The following C1orf54 variants were observed in gnomAD, a reference collection of about 807,000 sequenced individuals.
C1orf54 encodes the protein chromosome 1 open reading frame 54, also known as uncharacterized protein C1orf54.
C1orf54 carries 12 observed loss-of-function variants against 14.7 expected under a neutral mutation model. That is an observed-to-expected ratio of 0.82 (90% CI 0.52 to 1.32). The LOEUF (loss-of-function observed/expected upper bound fraction) is 1.32. C1orf54 is among the 40% of genes most tolerant of loss of function. The pLI, the probability that C1orf54 is intolerant of heterozygous loss-of-function variation, is 0.00. For synonymous variants in C1orf54, 65 were observed against 56.3 expected (o/e 1.16, Z -0.70); for missense variants, 163 against 162.2 (o/e 1.00, Z -0.03).
chr1:150,269,043 G>T (rs202198066), upstream of C1orf54: 9 of 483,776 alleles, frequency 1.9e-5, no homozygotes, highest in South Asian at 1.7e-4. Context: ...GCAGCCCCAC[G>T]GCCACCTCCC....
intron 4 of C1orf54, among the ~76,000 whole-genome samples, chr1:150,277,665 C>T (rs1652780835): frequency 6.6e-6 from 1 of 152,042 alleles, no homozygotes; most frequent in Non-Finnish European, 1.5e-5. Context: ...GCTCCTAATA[C>T]TTGCTTAGTA....
At chr1:150,280,046 C>T (rs1213549832) in intron 5 of C1orf54, among the ~76,000 whole-genome samples, 1 of 152,136 alleles carries the variant, frequency 6.6e-6, no homozygotes, top group African/African-American at 2.4e-5. Flanking sequence ...AACTCCTCTA[C>T]AAGACGTTAA....
chr1:150,273,473 G>A (rs1652376979), intron 1 of C1orf54, among the ~76,000 whole-genome samples: 2 of 152,170 alleles, frequency 1.3e-5, no homozygotes, highest in Admixed American at 6.5e-5. Flanking sequence ...TTTAGCAGGA[G>A]GCCTGGAGTT....
chr1:150,280,886 TG>T lies in C1orf54; in HGVS notation c.*57del, dbSNP rs1553853314. The T allele has an allele frequency of 6.5e-7, 1 of 1,549,942 alleles. No homozygotes were observed. The highest frequency in any genetic ancestry group is 8.7e-7 in the Non-Finnish European group (1 of 1,146,524). ...GGATGGGAGTCTGGCAAGAGGAAAT[TG>T]GAAGATAAAATAAATAATAAGTGAA... On this transcript the variant is annotated 3_prime_UTR_variant, in exon 6 of 6. Transcript: ENST00000369099.
intron 3 of C1orf54, among the ~76,000 whole-genome samples, 162 bp downstream of exon 3, chr1:150,275,961 A>T (rs1572106414): frequency 6.6e-6 from 1 of 151,904 alleles, no homozygotes; most frequent in Non-Finnish European, 1.5e-5. Flanking sequence ...AAATGGTGAA[A>T]CCCCGTCTCT....
upstream of C1orf54, chr1:150,272,678 C>CG (rs1572098063): frequency 2.5e-6 from 2 of 788,662 alleles, no homozygotes; most frequent in Non-Finnish European, 4.2e-6. Context: ...AGCCAGTAGG[C>CG]GGGGAGTTCT....
chr1:150,273,302 A>G (rs368061901), intron 1 of C1orf54, among the ~76,000 whole-genome samples: 100 of 152,342 alleles, frequency 6.6e-4, no homozygotes, highest in African/African-American at 2.2e-3. Flanking sequence ...GGGTAGTGGA[A>G]AACTGGCTGT....
intron 2 of C1orf54, 118 bp from the exon 3 acceptor site, chr1:150,275,622 TA>T (rs1652587552): frequency 1.4e-6 from 1 of 717,186 alleles, no homozygotes; most frequent in African/African-American, 1.8e-5. Flanking sequence ...AAAATTGGAT[TA>T]TACCAATAAA....
chr1:150,279,177 G>GC (rs1652905494), intron 4 of C1orf54, among the ~76,000 whole-genome samples: 2 of 152,334 alleles, frequency 1.3e-5, no homozygotes, highest in South Asian at 2.1e-4. Context: ...AGGCAGGCAG[G>GC]AGAACTGTTT....
intron 4 of C1orf54, among the ~76,000 whole-genome samples, chr1:150,278,764 C>T (rs1317375833): frequency 6.6e-6 from 1 of 152,066 alleles, no homozygotes; most frequent in African/African-American, 2.4e-5. Flanking sequence ...TGGAGAAAAG[C>T]TAGATTTTTG....
upstream of C1orf54, chr1:150,272,443 A>G (rs1553851439): frequency 4.9e-6 from 1 of 205,414 alleles, no homozygotes; most frequent in African/African-American, 2.3e-5. Flanking sequence ...AGGGAGGGTG[A>G]ACTTTTTATG....
chr1:150,270,701 G>A (rs1652136606), upstream of C1orf54, among the ~76,000 whole-genome samples: 1 of 151,126 alleles, frequency 6.6e-6, no homozygotes, highest in Non-Finnish European at 1.5e-5. Flanking sequence ...ATTCCCTAAT[G>A]AGACTAAGAG....
chr1:150,273,030 A>G (rs1445569895), intron 1 of C1orf54, among the ~76,000 whole-genome samples, 167 bp downstream of exon 1: 1 of 152,152 alleles, frequency 6.6e-6, no homozygotes, highest in Non-Finnish European at 1.5e-5. Flanking sequence ...TCTGGAAGGC[A>G]GAGCCAGGAA....
chr1:150,278,767 G>C (rs1553852953), intron 4 of C1orf54, among the ~76,000 whole-genome samples: 1 of 152,150 alleles, frequency 6.6e-6, no homozygotes, highest in East Asian at 1.9e-4. Context: ...AGAAAAGCTA[G>C]ATTTTTGTGG....
Position 150,274,008 on chromosome 1 carries a change from C to A in C1orf54, c.47-79C>A, listed in dbSNP as rs73011384. ...AAAGAAAGAGCAAGAAAGCTGGGAG[C>A]GCTGAGGTCATCTCCAGGTGTCCTT... On this transcript the variant is annotated intron_variant, in intron 1 of 5. Coordinates refer to ENST00000369099, the MANE Select transcript of C1orf54 (RefSeq NM_024579.4). 4.5e-6 allele frequency: 4 copies of A among 894,128 alleles called. No individual in the cohort carries two copies. In the African/African-American group the frequency reaches 5.0e-5, roughly 11 times the overall value. The allele number at this position is 894,128 out of a possible 1,614,324, so 55.4% of individuals were successfully genotyped here. A position where few individuals can be genotyped will look rare whatever the true frequency, so the allele number is the denominator to read the frequency against.
chr1:150,277,445 G>C (rs150374987), intron 4 of C1orf54, among the ~76,000 whole-genome samples: 1,528 of 140,236 alleles, frequency 0.011, 31 homozygotes, highest in African/African-American at 0.038. Flanking sequence ...AGAGGTTGCA[G>C]TGAGCCGAGA....
chr1:150,268,957 G>A (rs1214765359), upstream of C1orf54: 4 of 643,870 alleles, frequency 6.2e-6, no homozygotes, highest in East Asian at 2.8e-5. Context: ...GGAAGGGGAA[G>A]GGGGGGAACC....
chr1:150,276,728 G>A, intron 4 of C1orf54, 96 bp downstream of exon 4: 1 of 971,204 alleles, frequency 1.0e-6, no homozygotes, highest in Non-Finnish European at 1.6e-6. Context: ...TGGTGGATGG[G>A]AGAACCAAAT....
upstream of C1orf54, among the ~76,000 whole-genome samples, chr1:150,271,508 C>T (rs1338074761): frequency 1.3e-5 from 2 of 152,226 alleles, no homozygotes; most frequent in Non-Finnish European, 2.9e-5. Flanking sequence ...TTGCATAGTG[C>T]CTGACTCATA....
Sources: allele counts gnomAD v4.1 joint callset (sites outside exome capture counted in the v4.1 genomes callset), GRCh38; gene constraint gnomAD v4.1.1; transcripts MANE v1.5; gene names NCBI Gene and HGNC (gene_info 2026-07-23, HGNC 2026-07-21).